The following AGBL4 variants were observed in gnomAD, a reference collection of about 807,000 sequenced individuals.
AGBL4 encodes cytosolic carboxypeptidase 6.
In AGBL4, 58 loss-of-function variants were observed where a neutral mutation model predicts 66.4. The observed-to-expected ratio is 0.87, with a 90% CI of 0.71 to 1.09. The LOEUF (loss-of-function observed/expected upper bound fraction) is 1.09. Ranked by LOEUF, AGBL4 falls within the 50% of genes least tolerant of loss-of-function variation. The pLI is 0.00. For synonymous variants in AGBL4, 234 were observed against 222.9 expected, an observed-to-expected ratio of 1.05 and a Z score of -0.44; for missense variants, 579 against 631.0, an observed-to-expected ratio of 0.92 and a Z score of 0.88.
chr1:48,840,334 G>A (rs543393941), intron 6 of AGBL4, among the ~76,000 whole-genome samples: 29 of 152,180 alleles, frequency 1.9e-4, no homozygotes, highest in East Asian at 3.9e-4. Context: ...TATACAATGC[G>A]TACCTGCTTA....
intron 2 of AGBL4, among the ~76,000 whole-genome samples, chr1:49,741,179 G>T (rs1287332276): frequency 6.6e-6 from 1 of 152,058 alleles, no homozygotes; most frequent in Non-Finnish European, 1.5e-5. Context: ...AGAAAAGAGA[G>T]AAGAATCAAA....
chr1:48,565,292 G>C (rs541722449), intron 11 of AGBL4, among the ~76,000 whole-genome samples: 22 of 152,172 alleles, frequency 1.4e-4, no homozygotes, highest in Middle Eastern at 3.4e-3. Context: ...GAGTCCAGCC[G>C]AGGGCCCTAT....
At chr1:48,933,376 A>T (rs1053365383) in intron 5 of AGBL4, among the ~76,000 whole-genome samples, 1 of 152,236 alleles carries the variant, frequency 6.6e-6, no homozygotes, top group Non-Finnish European at 1.5e-5. Context: ...TCATCCAGAG[A>T]CAGGAAGCTC....
intron 4 of AGBL4, among the ~76,000 whole-genome samples, chr1:49,222,231 G>T (rs966867982): frequency 2.6e-5 from 4 of 151,478 alleles, no homozygotes; most frequent in Non-Finnish European, 5.9e-5. Flanking sequence ...AGCATTTTAG[G>T]TGACTTAAAG....
chr1:49,105,083 ACATTATG>A (rs1339958919), intron 4 of AGBL4, among the ~76,000 whole-genome samples: 1 of 152,174 alleles, frequency 6.6e-6, no homozygotes, highest in Non-Finnish European at 1.5e-5. Context: ...CTCACAGCAG[ACATTATG>A]CATTTATTTA....
chr1:48,981,931 T>C (rs1659806994), intron 5 of AGBL4, among the ~76,000 whole-genome samples: 1 of 152,110 alleles, frequency 6.6e-6, no homozygotes, highest in African/African-American at 2.4e-5. Context: ...AGAAGAGCGA[T>C]CAACTTCATC....
chr1:49,524,525 G>A (rs1650508529), intron 3 of AGBL4, among the ~76,000 whole-genome samples: 1 of 152,050 alleles, frequency 6.6e-6, no homozygotes, highest in African/African-American at 2.4e-5. Context: ...TTATAGTTAA[G>A]GTTCTTATAT....
Position 49,069,971 on chromosome 1 carries a change from G to C in AGBL4, c.378-24171C>G, listed in dbSNP as rs1436461130. ...ACATCCCTTGTAAGTTGGATTCCTA[G>C]ATATTTTATTCTCTTTGTAGCAATT... On this transcript the variant is annotated intron_variant, in intron 4 of 13. Transcript: ENST00000371839. 2.6e-5 allele frequency among the ~76,000 whole-genome samples: 4 copies of C among 151,984 alleles called. 1 individual carries two copies. The highest frequency in any genetic ancestry group is 9.7e-5 in the African/African-American group (4 of 41,300).
intron 2 of AGBL4, among the ~76,000 whole-genome samples, chr1:49,698,500 C>G (rs563697621): frequency 6.6e-6 from 1 of 152,172 alleles, no homozygotes; most frequent in East Asian, 1.9e-4. Context: ...CATTTTACAT[C>G]TGAGAAAACC....
intron 4 of AGBL4, among the ~76,000 whole-genome samples, chr1:49,053,042 G>T (rs933094942): frequency 6.6e-6 from 1 of 152,070 alleles, no homozygotes; most frequent in African/African-American, 2.4e-5. Context: ...TTTGGAGATT[G>T]GTACCTGACA....
At chr1:49,050,149 C>T (rs1644179153) in intron 4 of AGBL4, among the ~76,000 whole-genome samples, 1 of 152,044 alleles carries the variant, frequency 6.6e-6, no homozygotes, top group African/African-American at 2.4e-5. Flanking sequence ...GCTGATCCAG[C>T]TCTTGGAATA....
chr1:48,524,358 A>C, the AGBL4 span, among the ~76,000 whole-genome samples: 2 of 152,238 alleles, frequency 1.3e-5, no homozygotes, highest in Admixed American at 6.5e-5. Context: ...GCTGAAATAC[A>C]GAAAAGACAC....
chr1:49,058,312 G>A (rs1450922591), intron 4 of AGBL4, among the ~76,000 whole-genome samples: 2 of 152,066 alleles, frequency 1.3e-5, no homozygotes, highest in African/African-American at 4.8e-5. Context: ...GAATCATGGG[G>A]GCGGTTACCC....
At chr1:49,571,137 A>G (rs1015002079) in intron 3 of AGBL4, among the ~76,000 whole-genome samples, 19 of 150,784 alleles carry the variant, frequency 1.3e-4, no homozygotes, top group Admixed American at 9.9e-4. Context: ...CGGTGTTTGT[A>G]TTATGAGAAA....
intron 1 of AGBL4, among the ~76,000 whole-genome samples, chr1:49,973,214 A>G (rs1658278972): frequency 6.6e-6 from 1 of 152,108 alleles, no homozygotes; most frequent in Non-Finnish European, 1.5e-5. Flanking sequence ...CTTGCCTGCA[A>G]CCCCTTGTAA....
At chr1:49,383,900 G>A (rs1019656134) in intron 3 of AGBL4, among the ~76,000 whole-genome samples, 40 of 151,898 alleles carry the variant, frequency 2.6e-4, no homozygotes, top group Admixed American at 1.6e-3. Context: ...AGATTCAGGC[G>A]ATTCCCCTGC....
intron 6 of AGBL4, chr1:48,818,049 A>T: frequency 1.4e-6 from 1 of 708,796 alleles, no homozygotes; most frequent in Non-Finnish European, 2.6e-6. Flanking sequence ...TTCATATCTG[A>T]TAGTCAAATT....
chr1:48,889,986 TTGCG>T (rs1042484851), intron 5 of AGBL4, among the ~76,000 whole-genome samples: 1 of 78,586 alleles, frequency 1.3e-5, no homozygotes, highest in Non-Finnish European at 3.2e-5. Flanking sequence ...CACAGCCTGC[TTGCG>T]TGTGTGTGTG....
intron 1 of AGBL4, among the ~76,000 whole-genome samples, chr1:49,919,242 A>G (rs920019505): frequency 1.6e-4 from 24 of 152,212 alleles, no homozygotes; most frequent in African/African-American, 5.8e-4. Flanking sequence ...CAGGGCAATC[A>G]GGCAGGAGAA....
Sources: gnomAD v4.1 joint callset for allele counts (sites outside exome capture counted in the v4.1 genomes callset) on GRCh38, gnomAD v4.1.1 for gene constraint, MANE v1.5 for transcripts, NCBI Gene and HGNC (gene_info 2026-07-23, HGNC 2026-07-21) for gene names.